TMPRSS11F: variants seen among roughly 807,000 people sequenced by gnomAD.
TMPRSS11F encodes the protein transmembrane serine protease 11F.
Under a neutral mutation model 60.2 loss-of-function variants are expected in TMPRSS11F, and 47 were observed. The observed-to-expected ratio is 0.78, with a 90% CI of 0.62 to 1.00. The LOEUF (loss-of-function observed/expected upper bound fraction) is 1.00. Among genes scored for constraint, TMPRSS11F ranks in the 50% least tolerant of loss-of-function variants. The pLI is 0.00. For missense variants in TMPRSS11F, 519 were observed against 522.9 expected (o/e 0.99, Z 0.07); for synonymous variants, 166 against 167.3 (o/e 0.99, Z 0.06).
intron 1 of TMPRSS11F, among the ~76,000 whole-genome samples, chr4:68,102,359 T>C (rs1724210490): frequency 6.6e-6 from 1 of 152,204 alleles, no homozygotes; most frequent in African/African-American, 2.4e-5. Context: ...CTGAGTCGTA[T>C]GGTAGTTATA....
chr4:68,117,106 G>C (rs779673239), intron 1 of TMPRSS11F, among the ~76,000 whole-genome samples: 9 of 152,066 alleles, frequency 5.9e-5, no homozygotes, highest in Non-Finnish European at 1.3e-4. Flanking sequence ...TTGATAAAAA[G>C]TTAATATCCA....
chr4:68,100,768 G>A (rs1480863977), intron 1 of TMPRSS11F, among the ~76,000 whole-genome samples: 1 of 151,928 alleles, frequency 6.6e-6, no homozygotes, highest in Non-Finnish European at 1.5e-5. Flanking sequence ...TATTTTAGTT[G>A]TGTCACTAAT....
At chr4:68,122,784 T>G (rs1366148021) in intron 1 of TMPRSS11F, among the ~76,000 whole-genome samples, 1 of 152,242 alleles carries the variant, frequency 6.6e-6, no homozygotes, top group Non-Finnish European at 1.5e-5. Context: ...CACTTTATTT[T>G]TATTAGTTTA....
intron 9 of TMPRSS11F, among the ~76,000 whole-genome samples, chr4:68,054,856 A>C (rs571012240): frequency 2.0e-5 from 3 of 152,266 alleles, no homozygotes; most frequent in East Asian, 1.9e-4. Flanking sequence ...TTTAGGTTAA[A>C]AACAACAACA....
chr4:68,091,365 C>G (rs1444451435), intron 2 of TMPRSS11F, among the ~76,000 whole-genome samples: 1 of 151,966 alleles, frequency 6.6e-6, no homozygotes, highest in Non-Finnish European at 1.5e-5. Flanking sequence ...CCTTGGCATT[C>G]AAAGATTCTA....
intron 2 of TMPRSS11F, among the ~76,000 whole-genome samples, chr4:68,090,890 C>T (rs1329608835): frequency 1.3e-5 from 2 of 152,086 alleles, no homozygotes; most frequent in Non-Finnish European, 2.9e-5. Flanking sequence ...TCAAAATATT[C>T]ATAAAATTGG....
intron 4 of TMPRSS11F, among the ~76,000 whole-genome samples, chr4:68,073,564 G>A (rs1723523102): frequency 6.6e-6 from 1 of 152,186 alleles, no homozygotes; most frequent in Admixed American, 6.5e-5. Flanking sequence ...GCACTGTCAT[G>A]AAAGAAACAC....
intron 1 of TMPRSS11F, among the ~76,000 whole-genome samples, chr4:68,111,316 A>G (rs992999211): frequency 1.3e-5 from 2 of 152,166 alleles, no homozygotes; most frequent in African/African-American, 2.4e-5. Flanking sequence ...GACTATTCCT[A>G]CGGCAACTCA....
intron 9 of TMPRSS11F, among the ~76,000 whole-genome samples, chr4:68,056,711 A>C (rs971325946): frequency 6.6e-6 from 1 of 152,040 alleles, no homozygotes; most frequent in African/African-American, 2.4e-5. Context: ...AGAAGCAAAA[A>C]AAAACCTTGA....
chr4:68,129,784 T>A lies in TMPRSS11F; in HGVS notation c.11+26A>T, dbSNP rs769564121. The A allele has an allele frequency of 2.4e-5, 39 of 1,611,778 alleles. 1 individual carries two copies. The South Asian group carries it at 4.2e-4, about 17-fold the overall frequency. ...TAAACCTCTGTCCCCACTGATAACC[T>A]TTACTGAGAAAAGCTGAATACTTAC... On this transcript the variant is annotated intron_variant, in intron 1 of 9. Coordinates refer to ENST00000356291, the MANE Select transcript of TMPRSS11F (RefSeq NM_207407.2).
chr4:68,114,990 TA>T (rs56946635), intron 1 of TMPRSS11F, among the ~76,000 whole-genome samples: 80,782 of 114,516 alleles, frequency 0.71, 28,722 homozygotes, highest in East Asian at 0.84. Context: ...ATTCATTATT[TA>T]AAAAAAAAAA....
intron 5 of TMPRSS11F, among the ~76,000 whole-genome samples, chr4:68,070,327 C>G (rs78248081): frequency 1.6e-5 from 1 of 63,548 alleles, no homozygotes; most frequent in African/African-American, 3.3e-5. Context: ...TCTTTGGGGG[C>G]TCCAGTATAA....
intron 5 of TMPRSS11F, 30 bp downstream of exon 5, chr4:68,072,293 A>C: frequency 7.1e-7 from 1 of 1,406,532 alleles, no homozygotes; most frequent in Non-Finnish European, 9.4e-7. Context: ...AGGGAATGAC[A>C]AAAGTGGCAA....
chr4:68,098,163 A>C (rs1724109762), intron 2 of TMPRSS11F, among the ~76,000 whole-genome samples: 1 of 151,896 alleles, frequency 6.6e-6, no homozygotes. Context: ...AAATTAACCG[A>C]GTGTAGTGGC....
At chr4:68,082,690 G>A (rs545886504) in intron 3 of TMPRSS11F, among the ~76,000 whole-genome samples, 2 of 152,234 alleles carry the variant, frequency 1.3e-5, no homozygotes, top group East Asian at 1.9e-4. Context: ...TCTCAACCCC[G>A]TTGGGTTAGA....
At chr4:68,057,072 G>A (rs1723061871) in intron 9 of TMPRSS11F, among the ~76,000 whole-genome samples, 1 of 151,950 alleles carries the variant, frequency 6.6e-6, no homozygotes, top group South Asian at 2.1e-4. Flanking sequence ...ATCACTTAAG[G>A]TCAGGAGTTC....
chr4:68,101,220 T>G (rs1012461395), intron 1 of TMPRSS11F, among the ~76,000 whole-genome samples: 13 of 152,194 alleles, frequency 8.5e-5, no homozygotes, highest in African/African-American at 2.9e-4. Context: ...GTAACTGGAA[T>G]GTTGCCTTCT....
chr4:68,099,575 A>G (rs1292940884), intron 1 of TMPRSS11F, among the ~76,000 whole-genome samples: 1 of 152,202 alleles, frequency 6.6e-6, no homozygotes, highest in African/African-American at 2.4e-5. Flanking sequence ...ACTCAAAAAT[A>G]TCTTACATCA....
intron 3 of TMPRSS11F, among the ~76,000 whole-genome samples, chr4:68,075,770 G>A (rs890853996): frequency 2.6e-5 from 4 of 152,168 alleles, no homozygotes; most frequent in Admixed American, 6.5e-5. Context: ...CAAGGCGGGT[G>A]GATCATGAGG....
Sources: gnomAD v4.1 joint callset for allele counts (sites outside exome capture counted in the v4.1 genomes callset) on GRCh38, gnomAD v4.1.1 for gene constraint, MANE v1.5 for transcripts, NCBI Gene and HGNC (gene_info 2026-07-23, HGNC 2026-07-21) for gene names.